The following SOX5 variants were observed in gnomAD, a reference collection of about 807,000 sequenced individuals.
SOX5 encodes transcription factor SOX-5.
A neutral mutation model predicts 92.0 loss-of-function variants in SOX5; 9 were observed. That is an observed-to-expected ratio of 0.10 (90% confidence interval 0.06 to 0.17). The LOEUF (loss-of-function observed/expected upper bound fraction) is 0.17. Ranked by LOEUF, SOX5 falls within the 10% of genes least tolerant of loss-of-function variation. The pLI, the probability that SOX5 is intolerant of heterozygous loss-of-function variation, is 1.00. For missense variants in SOX5, 642 were observed against 944.5 expected (o/e 0.68, Z 4.20); for synonymous variants, 344 against 336.3 (o/e 1.02, Z -0.25).
At chr12:23,722,108 C>T (rs1041546692) in intron 6 of SOX5, among the ~76,000 whole-genome samples, 11 of 152,220 alleles carry the variant, frequency 7.2e-5, no homozygotes, top group Admixed American at 2.6e-4. Flanking sequence ...GGATGATGCA[C>T]GTTCTATACA....
At chr12:23,743,573 G>A (rs562434330) in intron 4 of SOX5, among the ~76,000 whole-genome samples, 16 of 152,196 alleles carry the variant, frequency 1.1e-4, no homozygotes, top group Admixed American at 9.2e-4. Context: ...GCCTCTCAAA[G>A]TGCTAGGATT....
chr12:24,212,107 T>C (rs776890912), intron 4 of SOX5, among the ~76,000 whole-genome samples: 1 of 152,200 alleles, frequency 6.6e-6, no homozygotes, highest in Non-Finnish European at 1.5e-5. Flanking sequence ...TAAATACAGC[T>C]TTTTGCAGGA....
chr12:23,619,002 G>GCC (rs1431900595), intron 8 of SOX5, among the ~76,000 whole-genome samples: 1 of 152,120 alleles, frequency 6.6e-6, no homozygotes, highest in Non-Finnish European at 1.5e-5. Context: ...AACGCTCCCT[G>GCC]AAGAAACCAC....
At chr12:23,693,348 T>G (rs1015543691) in intron 6 of SOX5, among the ~76,000 whole-genome samples, 1 of 152,158 alleles carries the variant, frequency 6.6e-6, no homozygotes, top group East Asian at 1.9e-4. Flanking sequence ...GGTCTTGAAC[T>G]CCTTCCCTCA....
intron 3 of SOX5, among the ~76,000 whole-genome samples, chr12:24,263,986 C>A (rs994820422): frequency 2.0e-5 from 3 of 152,168 alleles, no homozygotes; most frequent in Admixed American, 6.5e-5. Context: ...AAACTTTTTA[C>A]ACCAGAAATA....
At chr12:23,962,972 A>T (rs1947123575) in intron 4 of SOX5, among the ~76,000 whole-genome samples, 1 of 152,194 alleles carries the variant, frequency 6.6e-6, no homozygotes, top group South Asian at 2.1e-4. Flanking sequence ...TGTCCAATTA[A>T]AACTGTTAAA....
At chr12:23,837,251 T>TTATATTTATATTTATATAATATATAATA (rs2096434968) in intron 3 of SOX5, among the ~76,000 whole-genome samples, 1 of 75,654 alleles carries the variant, frequency 1.3e-5, no homozygotes, top group Non-Finnish European at 3.2e-5. Context: ...TAATATATAT[T>TTATATTTATATTTATATAATATATAATA]TATATTTATA....
intron 2 of SOX5, among the ~76,000 whole-genome samples, chr12:24,281,370 C>A (rs1415570078): frequency 6.6e-6 from 1 of 152,114 alleles, no homozygotes; most frequent in African/African-American, 2.4e-5. Context: ...ATTGCCAGCC[C>A]CAATCTGCAT....
chr12:24,068,702 GTGTATATATA>G (rs1335216470), intron 4 of SOX5, among the ~76,000 whole-genome samples: 52 of 52,980 alleles, frequency 9.8e-4, no homozygotes, highest in African/African-American at 4.0e-3. Context: ...GTGTGTGTGT[GTGTATATATA>G]TATATATATA....
chr12:23,880,034 AT>A (rs1038388236), intron 2 of SOX5, among the ~76,000 whole-genome samples: 4 of 152,212 alleles, frequency 2.6e-5, no homozygotes, highest in African/African-American at 9.6e-5. Flanking sequence ...TGCCAGATAT[AT>A]AGCCCCAGTG....
chr12:24,217,709 A>G (rs964895251), intron 3 of SOX5, among the ~76,000 whole-genome samples: 4 of 152,198 alleles, frequency 2.6e-5, no homozygotes, highest in African/African-American at 9.6e-5. Context: ...AAGACAACCT[A>G]CAGAATGGGA....
At chr12:23,710,131 C>T (rs1044912841) in intron 6 of SOX5, among the ~76,000 whole-genome samples, 1 of 152,044 alleles carries the variant, frequency 6.6e-6, no homozygotes, top group Non-Finnish European at 1.5e-5. Flanking sequence ...CACGCACACA[C>T]TCAAAGACAC....
intron 1 of SOX5, among the ~76,000 whole-genome samples, chr12:24,430,396 C>T (rs994052382): frequency 6.6e-6 from 1 of 151,622 alleles, no homozygotes; most frequent in Admixed American, 6.6e-5. Context: ...TTAACCATGA[C>T]AAAATTATAT....
At chr12:23,622,140 A>T (rs1309618252) in intron 8 of SOX5, among the ~76,000 whole-genome samples, 1 of 152,010 alleles carries the variant, frequency 6.6e-6, no homozygotes, top group Non-Finnish European at 1.5e-5. Flanking sequence ...ACCATCAAAC[A>T]CCATGGCAGC....
intron 4 of SOX5, among the ~76,000 whole-genome samples, chr12:24,191,849 G>A (rs1956559339): frequency 6.6e-6 from 1 of 152,180 alleles, no homozygotes; most frequent in Admixed American, 6.5e-5. Context: ...GTATTGGGAA[G>A]AGAACATTTC....
intron 3 of SOX5, among the ~76,000 whole-genome samples, chr12:23,817,602 A>C (rs982486285): frequency 6.6e-6 from 1 of 152,214 alleles, no homozygotes; most frequent in African/African-American, 2.4e-5. Context: ...TAAGCACTTA[A>C]AGCAAATTGG....
chr12:23,561,757 C>A (rs146857786), intron 11 of SOX5, among the ~76,000 whole-genome samples: 3 of 150,940 alleles, frequency 2.0e-5, no homozygotes, highest in East Asian at 3.9e-4. Context: ...CAATTCCCAG[C>A]CAGCACTGGG....
chr12:23,732,842 C>A (rs968367115), intron 6 of SOX5, among the ~76,000 whole-genome samples: 2 of 152,088 alleles, frequency 1.3e-5, no homozygotes, highest in Non-Finnish European at 2.9e-5. Context: ...TTAAACTTGG[C>A]CTTTGCTCTC....
chr12:23,583,307 C>T (rs894111424), intron 9 of SOX5, among the ~76,000 whole-genome samples: 4 of 151,942 alleles, frequency 2.6e-5, no homozygotes, highest in African/African-American at 9.7e-5. Context: ...AATACAGTTT[C>T]CATATATTTA....
Sources: gnomAD v4.1 joint callset for allele counts (sites outside exome capture counted in the v4.1 genomes callset) on GRCh38, gnomAD v4.1.1 for gene constraint, MANE v1.5 for transcripts, NCBI Gene and HGNC (gene_info 2026-07-23, HGNC 2026-07-21) for gene names.